Variants in GFM2 observed in about 807,000 individuals in gnomAD.
The protein encoded by GFM2 is GTP dependent ribosome recycling factor mitochondrial 2, also known as ribosome-releasing factor 2, mitochondrial.
GFM2 carries 72 observed loss-of-function variants against 95.4 expected under a neutral mutation model. The observed-to-expected ratio is 0.76, with a 90% confidence interval of 0.62 to 0.92. GFM2 has a LOEUF of 0.92. Ranked by LOEUF, GFM2 falls within the 40% of genes least tolerant of loss-of-function variation. The probability of loss-of-function intolerance (pLI) is 0.00; values close to 1 mark genes in which losing one functional copy is unlikely to be tolerated. For missense variants in GFM2, 825 were observed against 924.1 expected, an observed-to-expected ratio of 0.89 and a Z score of 1.39; for synonymous variants, 276 against 317.5, an observed-to-expected ratio of 0.87 and a Z score of 1.39.
intron 20 of GFM2, 99 bp from the exon 21 acceptor site, chr5:74,721,882 C>A (rs919301000): frequency 1.5e-5 from 17 of 1,163,360 alleles, no homozygotes; most frequent in Admixed American, 5.1e-5. Context: ...AGTGATGTTG[C>A]CACTTTTGTG....
intron 6 of GFM2, 123 bp downstream of exon 6, chr5:74,751,245 T>C (rs1743689130): frequency 9.1e-6 from 8 of 877,348 alleles, no homozygotes; most frequent in Non-Finnish European, 1.4e-5. Flanking sequence ...TTAAAAATGG[T>C]TGAGATGGTA....
intron 3 of GFM2, among the ~76,000 whole-genome samples, chr5:74,760,589 T>C (rs1435463517): frequency 6.6e-6 from 1 of 152,086 alleles, no homozygotes; most frequent in Non-Finnish European, 1.5e-5. Context: ...AAAACAGAAA[T>C]AAACTAGAAA....
intron 5 of GFM2, among the ~76,000 whole-genome samples, chr5:74,751,812 C>G (rs1033603717): frequency 7.2e-5 from 11 of 152,136 alleles, no homozygotes; most frequent in African/African-American, 2.7e-4. Context: ...TGATGTCCCT[C>G]CCTCCTGATC....
At position 74,721,206 on chromosome 5, in the gene GFM2, T is replaced by G. The variant is rs772432450; in HGVS notation, c.*449A>C. On this transcript the variant is annotated 3_prime_UTR_variant, in exon 21 of 21. Coordinates refer to ENST00000296805, the MANE Select transcript of GFM2 (RefSeq NM_032380.5). The stretch of plus-strand genomic sequence containing the variant: ...GGAGGGGAAAAAGGCCACAGCAATC[T>G]GTACTACAATCAACTTTATTTTGAA... The G allele has an allele frequency of 6.7e-7, 1 of 1,488,000 alleles. No homozygotes were observed. Among genetic ancestry groups the G allele is most frequent in the South Asian group, 1.1e-5 (1 of 88,450 alleles). The allele number at this position is 1,488,000 out of a possible 1,614,324, so 92.2% of individuals were successfully genotyped here. A position where few individuals can be genotyped will look rare whatever the true frequency, so the allele number is the denominator to read the frequency against.
chr5:74,745,593 T>C lies in GFM2; in HGVS notation c.849+85A>G, dbSNP rs752385685. 1.8e-4 allele frequency: 213 copies of C among 1,170,932 alleles called. 1 individual carries two copies. The highest frequency in any genetic ancestry group is 2.0e-4 in the Non-Finnish European group (169 of 844,168). The allele number at this position is 1,170,932 out of a possible 1,614,324, so 72.5% of individuals were successfully genotyped here. On this transcript the variant is annotated intron_variant, in intron 10 of 20. Transcript: ENST00000296805. ...TATCCACAGGAGGTCCTGCAACCAA[T>C]CCCCGAGAGATGCTAAAGTATGACT...
intron 17 of GFM2, 124 bp downstream of exon 17, chr5:74,730,136 A>G (rs751721728): frequency 3.4e-6 from 3 of 892,968 alleles, no homozygotes; most frequent in Non-Finnish European, 4.9e-6. Flanking sequence ...AAAACCCCAC[A>G]TACATAAAAA....
At position 74,750,576 on chromosome 5, in the gene GFM2, T is replaced by C; in HGVS notation, c.519+3A>G. On this transcript the variant is annotated splice_donor_region_variant and intron_variant, in intron 7 of 20. Coordinates refer to ENST00000296805, the MANE Select transcript of GFM2 (RefSeq NM_032380.5). ...TTCCCTTTACTTTGGCAATATTATT[T>C]ACCTCTACACCAGCAGAGGCATCAA... 6.2e-7 allele frequency: 1 copy of C among 1,604,862 alleles called. No individual in the cohort carries two copies. The highest frequency in any genetic ancestry group is 8.5e-7 in the Non-Finnish European group (1 of 1,172,322).
intron 17 of GFM2, among the ~76,000 whole-genome samples, chr5:74,728,603 T>C (rs1275978815): frequency 6.6e-6 from 1 of 152,074 alleles, no homozygotes; most frequent in Admixed American, 6.6e-5. Context: ...TATTTTATAT[T>C]CTACATCTCA....
At chr5:74,750,691 A>C in intron 6 of GFM2, 24 bp from the exon 7 acceptor site, 1 of 1,551,434 alleles carries the variant, frequency 6.4e-7, no homozygotes, top group Non-Finnish European at 8.9e-7. Flanking sequence ...AAGACGTATA[A>C]TGCCTTCTTT....
At chr5:74,751,267 A>C in intron 6 of GFM2, 101 bp downstream of exon 6, 1 of 1,173,254 alleles carries the variant, frequency 8.5e-7, no homozygotes, top group Non-Finnish European at 1.2e-6. Flanking sequence ...ATTTTGCAAC[A>C]CATGTTTTTT....
intron 1 of GFM2, chr5:74,765,213 C>A: frequency 6.5e-6 from 5 of 773,114 alleles, no homozygotes; most frequent in Non-Finnish European, 8.1e-6. Flanking sequence ...ATAATTTGCA[C>A]AACCCAGCCC....
Position 74,725,820 on chromosome 5 carries a change from G to A in GFM2, c.1913-65C>T, listed in dbSNP as rs1199137150. 1.5e-5 allele frequency: 22 copies of A among 1,448,822 alleles called. No individual in the cohort carries two copies. The East Asian group carries it at 4.8e-4, about 31-fold the overall frequency. 89.7% of individuals were successfully genotyped at this position (1,448,822 alleles called of 1,614,324 possible). ...GTGAAGTGAGAAGTAACTGAGAAGT[G>A]CAAAGGAATAGGGAGAAAACACTAA... is the stretch of plus-strand genomic sequence containing the variant. On this transcript the variant is annotated intron_variant, in intron 18 of 20. Transcript: ENST00000296805.
At chr5:74,754,764 G>T (rs1743895204) in intron 5 of GFM2, among the ~76,000 whole-genome samples, 1 of 152,078 alleles carries the variant, frequency 6.6e-6, no homozygotes, top group African/African-American at 2.4e-5. Flanking sequence ...AATAGTGGGG[G>T]ACTTTAATAC....
intron 10 of GFM2, among the ~76,000 whole-genome samples, chr5:74,745,087 C>G (rs1370530833): frequency 6.6e-6 from 1 of 152,046 alleles, no homozygotes; most frequent in African/African-American, 2.4e-5. Context: ...GCTGGTAATC[C>G]TAGCACTTTG....
intron 14 of GFM2, among the ~76,000 whole-genome samples, chr5:74,737,842 C>G (rs1422305626): frequency 6.6e-6 from 1 of 152,050 alleles, no homozygotes; most frequent in Non-Finnish European, 1.5e-5. Context: ...TATGGAGTGT[C>G]TACTATATGC....
chr5:74,725,902 A>C (rs1407271438), intron 18 of GFM2, 39 bp downstream of exon 18: 1 of 1,558,788 alleles, frequency 6.4e-7, no homozygotes, highest in Non-Finnish European at 8.8e-7. Flanking sequence ...TAAATGGTTG[A>C]GTGGGATACT....
At chr5:74,763,826 C>T in intron 1 of GFM2, 60 bp from the exon 2 acceptor site, 1 of 964,960 alleles carries the variant, frequency 1.0e-6, no homozygotes, top group Non-Finnish European at 1.7e-6. Context: ...GTCAGCAAGG[C>T]ATATGTAAGT....
At chr5:74,747,872 A>G in intron 7 of GFM2, 92 bp from the exon 8 acceptor site, 1 of 682,478 alleles carries the variant, frequency 1.5e-6, no homozygotes, top group Non-Finnish European at 2.5e-6. Flanking sequence ...CTACTGTCAG[A>G]TAAATTGGGC....
intron 7 of GFM2, among the ~76,000 whole-genome samples, chr5:74,749,546 TTTC>T (rs1743585464): frequency 6.6e-6 from 1 of 152,150 alleles, no homozygotes; most frequent in Non-Finnish European, 1.5e-5. Flanking sequence ...TTTTGTCCAT[TTTC>T]TTCTGGGTTA....
Sources: gnomAD v4.1 joint callset for allele counts (sites outside exome capture counted in the v4.1 genomes callset) on GRCh38, gnomAD v4.1.1 for gene constraint, MANE v1.5 for transcripts, NCBI Gene and HGNC (gene_info 2026-07-23, HGNC 2026-07-21) for gene names.